Variants in EFHD1 observed in about 807,000 individuals in gnomAD.
The protein encoded by EFHD1 is EF-hand domain family member D1.
EFHD1 carries 10 observed loss-of-function variants against 17.2 expected under a neutral mutation model. That is an observed-to-expected ratio of 0.58 (90% CI 0.36 to 0.99). The LOEUF (loss-of-function observed/expected upper bound fraction) is 0.99, where lower values mean the gene tolerates loss of function less well. Among genes scored for constraint, EFHD1 ranks in the 50% least tolerant of loss-of-function variants. The pLI is 0.01. For missense variants in EFHD1, 310 were observed against 327.5 expected, an observed-to-expected ratio of 0.95 and a Z score of 0.41; for synonymous variants, 153 against 142.0, an observed-to-expected ratio of 1.08 and a Z score of -0.55.
intron 1 of EFHD1, chr2:232,606,777 C>G (rs942470065): frequency 6.6e-6 from 1 of 151,428 alleles, no homozygotes. Context: ...GTGGTCCCAG[C>G]TACTGGGGAG....
At chr2:232,606,885 G>A (rs555448002) in intron 1 of EFHD1, among the ~76,000 whole-genome samples, 209 of 148,732 alleles carry the variant, frequency 1.4e-3, no homozygotes, top group Non-Finnish European at 2.3e-3. Context: ...GCGAGACTCC[G>A]TCTCAAAAAA....
intron 1 of EFHD1, among the ~76,000 whole-genome samples, chr2:232,655,674 C>G (rs1694747807): frequency 6.6e-6 from 1 of 152,236 alleles, no homozygotes; most frequent in African/African-American, 2.4e-5. Flanking sequence ...TAGCTAAAGT[C>G]TGTCTCACCC....
At chr2:232,609,593 G>T (rs1574696072) in intron 1 of EFHD1, among the ~76,000 whole-genome samples, 2 of 152,014 alleles carry the variant, frequency 1.3e-5, no homozygotes, top group South Asian at 2.1e-4. Context: ...TATCTGTCTT[G>T]ACCAGAGTTA....
At chr2:232,660,416 G>A (rs532152591) in intron 1 of EFHD1, among the ~76,000 whole-genome samples, 4 of 151,328 alleles carry the variant, frequency 2.6e-5, no homozygotes, top group South Asian at 2.1e-4. Flanking sequence ...GGATGGTCTC[G>A]ATCTTGTTCT....
intron 1 of EFHD1, among the ~76,000 whole-genome samples, chr2:232,643,161 G>A (rs533587290): frequency 6.6e-6 from 1 of 151,436 alleles, no homozygotes; most frequent in African/African-American, 2.4e-5. Context: ...TCTAAACAAT[G>A]AGGAAATTAA....
chr2:232,659,440 C>T (rs1476336689), intron 1 of EFHD1, among the ~76,000 whole-genome samples: 1 of 152,008 alleles, frequency 6.6e-6, no homozygotes, highest in Non-Finnish European at 1.5e-5. Flanking sequence ...CACAGGAGGA[C>T]CATAGAGGAG....
intron 2 of EFHD1, among the ~76,000 whole-genome samples, chr2:232,664,559 A>G (rs905943275): frequency 1.3e-5 from 2 of 151,448 alleles, no homozygotes; most frequent in Admixed American, 6.6e-5. Context: ...TTGGCCTCCC[A>G]AAGTGTTGGG....
intron 1 of EFHD1, among the ~76,000 whole-genome samples, chr2:232,614,044 A>ACACATACATACACATG (rs1559336020): frequency 4.0e-5 from 2 of 50,106 alleles, no homozygotes; most frequent in African/African-American, 1.2e-4. Context: ...ACATACACAA[A>ACACATACATACACATG]CACACACATA....
chr2:232,681,508 T>C (rs1413318232), intron 3 of EFHD1, 77 bp from the exon 4 acceptor site: 2 of 1,549,940 alleles, frequency 1.3e-6, no homozygotes, highest in African/African-American at 2.7e-5. Context: ...GAATGGGCTG[T>C]TGGCTCAGGT....
At chr2:232,647,643 C>CTTT (rs79776217) in intron 1 of EFHD1, among the ~76,000 whole-genome samples, 1 of 141,558 alleles carries the variant, frequency 7.1e-6, no homozygotes, top group African/African-American at 2.7e-5. Flanking sequence ...CCTGTTAGAA[C>CTTT]TTTTTTTTTT....
chr2:232,612,429 A>G (rs1324044552), intron 1 of EFHD1, among the ~76,000 whole-genome samples: 4 of 152,246 alleles, frequency 2.6e-5, no homozygotes, highest in Admixed American at 6.5e-5. Context: ...TCACTAAATA[A>G]TAAGACAAAC....
At chr2:232,633,550 G>A (rs971904443), upstream of EFHD1, 6 of 1,283,140 alleles carry the variant, frequency 4.7e-6, no homozygotes, top group African/African-American at 4.7e-5. Flanking sequence ...CGACCGCCCC[G>A]CCCGCCAGTC....
At position 232,662,719 on chromosome 2, in the gene EFHD1, A is replaced by G. The variant is rs999099372; in HGVS notation, c.303-83A>G. 3.9e-6 allele frequency: 6 copies of G among 1,524,450 alleles called. No homozygotes were observed. The Admixed American group carries it at 1.3e-4, about 32-fold the overall frequency. 94.4% of individuals were successfully genotyped at this position (1,524,450 alleles called of 1,614,324 possible). A position where few individuals can be genotyped will look rare whatever the true frequency, so the allele number is the denominator to read the frequency against. On this transcript the variant is annotated intron_variant, in intron 1 of 3. Transcript: ENST00000264059. ...CGGGAGGTATTTGAGTCATTTTTCG[A>G]TGAATGAAGCCAAAGGAATTACATG...
At chr2:232,620,205 A>G (rs1001045755) in intron 1 of EFHD1, among the ~76,000 whole-genome samples, 4 of 150,262 alleles carry the variant, frequency 2.7e-5, no homozygotes, top group African/African-American at 9.8e-5. Context: ...TGGCTAACAC[A>G]GTGAAACCCC....
At chr2:232,620,278 C>A (rs940553697) in intron 1 of EFHD1, among the ~76,000 whole-genome samples, 1 of 150,576 alleles carries the variant, frequency 6.6e-6, no homozygotes, top group Non-Finnish European at 1.5e-5. Context: ...GTCCCAGCTA[C>A]TCGGGAGGCT....
At chr2:232,606,914 T>TAAA (rs140902817) in intron 1 of EFHD1, among the ~76,000 whole-genome samples, 1 of 147,938 alleles carries the variant, frequency 6.8e-6, no homozygotes, top group Non-Finnish European at 1.5e-5. Flanking sequence ...AAATAAAAAT[T>TAAA]AAAAAAAAAT....
chr2:232,676,488 C>G (rs1031274347), intron 3 of EFHD1, among the ~76,000 whole-genome samples: 3 of 152,108 alleles, frequency 2.0e-5, no homozygotes, highest in African/African-American at 7.2e-5. Flanking sequence ...GTAATTTCTT[C>G]CACACATGCC....
At chr2:232,660,294 A>T (rs1391453880) in intron 1 of EFHD1, among the ~76,000 whole-genome samples, 1 of 151,726 alleles carries the variant, frequency 6.6e-6, no homozygotes, top group Non-Finnish European at 1.5e-5. Flanking sequence ...TCCTGGGTTC[A>T]TGCCATTCTC....
intron 1 of EFHD1, among the ~76,000 whole-genome samples, chr2:232,619,763 G>A (rs1448581219): frequency 6.6e-6 from 1 of 152,152 alleles, no homozygotes; most frequent in Non-Finnish European, 1.5e-5. Context: ...TGGTGCAGTG[G>A]CCTGGAACTG....
Sources: allele counts gnomAD v4.1 joint callset (sites outside exome capture counted in the v4.1 genomes callset), GRCh38; gene constraint gnomAD v4.1.1; transcripts MANE v1.5; gene names NCBI Gene and HGNC (gene_info 2026-07-23, HGNC 2026-07-21).